The following CADPS variants were observed in gnomAD, a reference collection of about 807,000 sequenced individuals.
The protein encoded by CADPS is calcium-dependent secretion activator 1.
Under a neutral mutation model 167.3 loss-of-function variants are expected in CADPS, and 57 were observed. The ratio of observed to expected loss-of-function variants is 0.34; its 90% confidence interval spans 0.28 to 0.42. The LOEUF (loss-of-function observed/expected upper bound fraction) is 0.42. CADPS is among the 20% of genes least tolerant of loss of function. The pLI is 1.00. For missense variants in CADPS, 1,414 were observed against 1,738.1 expected, an observed-to-expected ratio of 0.81 and a Z score of 3.32; for synonymous variants, 676 against 635.3, an observed-to-expected ratio of 1.06 and a Z score of -0.96.
chr3:62,411,440 A>T lies in CADPS; in HGVS notation c.3778-8255T>A, dbSNP rs370852539. The stretch of plus-strand genomic sequence containing the variant: ...TTTTTGGTGACAAAAGTGAACTATT[A>T]TTTAAGGGAAAAAACCCCTACAACC... On this transcript the variant is annotated intron_variant, in intron 28 of 29. Transcript: ENST00000383710. 2.9e-3 allele frequency among the ~76,000 whole-genome samples: 436 copies of T among 152,302 alleles called. 9 individuals carry two copies. Among genetic ancestry groups the T allele is most frequent in the South Asian group, 0.012 (59 of 4,818 alleles).
At chr3:62,810,095 GT>G (rs2094322848) in intron 1 of CADPS, among the ~76,000 whole-genome samples, 1 of 152,084 alleles carries the variant, frequency 6.6e-6, no homozygotes, top group South Asian at 2.1e-4. Flanking sequence ...TGTGATGCTG[GT>G]CAAGCCACTA....
chr3:62,666,977 C>T (rs1019952816), intron 3 of CADPS, among the ~76,000 whole-genome samples: 11 of 149,026 alleles, frequency 7.4e-5, no homozygotes, highest in Admixed American at 2.0e-4. Context: ...TTTGAAAGGA[C>T]AAAATGACAA....
intron 1 of CADPS, among the ~76,000 whole-genome samples, chr3:62,780,331 T>C (rs974472030): frequency 1.3e-5 from 2 of 152,086 alleles, no homozygotes; most frequent in Non-Finnish European, 2.9e-5. Context: ...GATGGGAGAA[T>C]TGTTTGAGCC....
intron 6 of CADPS, among the ~76,000 whole-genome samples, chr3:62,610,379 T>A (rs995597304): frequency 6.6e-6 from 1 of 152,046 alleles, no homozygotes; most frequent in African/African-American, 2.4e-5. Flanking sequence ...GCCTTCCCAG[T>A]AGCTGGGATT....
At position 62,557,958 on chromosome 3, in the gene CADPS, T is replaced by G. The variant is rs76694383; in HGVS notation, c.1645-445A>C. On this transcript the variant is annotated intron_variant, in intron 9 of 29. Transcript: ENST00000383710. ...GTGGCCTTGGCTGAGACTGCCATGC[T>G]CGCAGATACAACATGGGCCTTTTGG... Among the ~76,000 whole-genome samples the G allele has an allele frequency of 2.1e-3, 323 of 152,382 alleles. 4 individuals are homozygous for G. The highest frequency in any genetic ancestry group is 7.3e-3 in the African/African-American group (304 of 41,600).
chr3:62,513,696 T>C, intron 16 of CADPS: 1 of 1,586,088 alleles, frequency 6.3e-7, no homozygotes, highest in Non-Finnish European at 8.6e-7. Context: ...CATACATTTC[T>C]CTCTTTTTCC....
rs187916249 is a variant in CADPS at position 62,516,556 on chromosome 3, T to G, written c.2457+24A>C. On this transcript the variant is annotated intron_variant, in intron 15 of 29. Coordinates refer to ENST00000383710, the MANE Select transcript of CADPS (RefSeq NM_003716.4). ...CTTATGTCTTTTTATATATATGTGA[T>G]CTATCTTTTACTTTCATTCTTACCC... The G allele has an allele frequency of 1.4e-4, 209 of 1,538,396 alleles. 2 individuals carry two copies. In the East Asian group the frequency reaches 3.6e-3, roughly 26 times the overall value.
chr3:62,736,523 T>C (rs2079021933), intron 3 of CADPS, among the ~76,000 whole-genome samples: 2 of 152,222 alleles, frequency 1.3e-5, no homozygotes, highest in Non-Finnish European at 2.9e-5. Flanking sequence ...TTATAATTTC[T>C]TGCATAAACA....
At chr3:62,698,757 TCAGACAGG>T (rs2080847384) in intron 3 of CADPS, among the ~76,000 whole-genome samples, 3 of 79,356 alleles carry the variant, frequency 3.8e-5, no homozygotes, top group African/African-American at 1.4e-4. Flanking sequence ...TTTTTTTTTT[TCAGACAGG>T]GTCTTGCTTT....
At chr3:62,817,180 G>GATAACAGAAT (rs2094660389) in intron 1 of CADPS, among the ~76,000 whole-genome samples, 1 of 151,708 alleles carries the variant, frequency 6.6e-6, no homozygotes. Flanking sequence ...TAAACATCAC[G>GATAACAGAAT]ATAACAGAAT....
At chr3:62,485,912 C>T (rs2062741761) in intron 21 of CADPS, among the ~76,000 whole-genome samples, 1 of 152,144 alleles carries the variant, frequency 6.6e-6, no homozygotes, top group Admixed American at 6.5e-5. Context: ...GAGGGAGGAT[C>T]TCAACTCAGG....
intron 1 of CADPS, among the ~76,000 whole-genome samples, chr3:62,834,110 T>C (rs1159037453): frequency 6.6e-6 from 1 of 152,170 alleles, no homozygotes; most frequent in East Asian, 1.9e-4. Context: ...GTAAAAGTCA[T>C]GTTTTCAACA....
chr3:62,716,194 G>A (rs2084567693), intron 3 of CADPS, among the ~76,000 whole-genome samples: 1 of 152,078 alleles, frequency 6.6e-6, no homozygotes, highest in South Asian at 2.1e-4. Context: ...CAAGTAGCTG[G>A]GACTACAGGC....
At chr3:62,437,227 G>A (rs550899951) in intron 28 of CADPS, among the ~76,000 whole-genome samples, 2 of 151,974 alleles carry the variant, frequency 1.3e-5, no homozygotes, top group Admixed American at 6.5e-5. Context: ...CACTCTGGCC[G>A]GGTCTACACT....
chr3:62,499,356 T>C lies in CADPS; in HGVS notation c.2600-88A>G, dbSNP rs1015304829. On this transcript the variant is annotated intron_variant, in intron 17 of 29. Transcript: ENST00000383710. ...GAACTAGTGGATAAGAAATTGAGAA[T>C]AGTTATCAGTTTTTTAAAAAAAATT... 27 of 791,552 alleles carry C rather than the reference T, an allele frequency of 3.4e-5. No homozygotes were observed. The African/African-American group carries it at 3.6e-4, about 11-fold the overall frequency. The allele number at this position is 791,552 out of a possible 1,614,324, so 49.0% of individuals were successfully genotyped here.
At chr3:62,498,266 T>C in intron 18 of CADPS, 1 of 435,924 alleles carries the variant, frequency 2.3e-6, no homozygotes, top group Non-Finnish European at 4.6e-6. Flanking sequence ...TATATATTAT[T>C]TAACTATACT....
intron 28 of CADPS, among the ~76,000 whole-genome samples, chr3:62,435,996 G>A (rs951685678): frequency 4.0e-5 from 6 of 151,810 alleles, no homozygotes; most frequent in African/African-American, 1.2e-4. Context: ...AAAGGCTGGA[G>A]GGCTTGAATT....
chr3:62,778,371 C>T (rs1009163118), intron 1 of CADPS, among the ~76,000 whole-genome samples: 21 of 152,110 alleles, frequency 1.4e-4, no homozygotes, highest in African/African-American at 3.1e-4. Context: ...TTAGTAACTC[C>T]GCTGATGCAT....
intron 6 of CADPS, among the ~76,000 whole-genome samples, chr3:62,622,886 T>G (rs1208032808): frequency 2.6e-5 from 4 of 152,216 alleles, no homozygotes; most frequent in African/African-American, 9.6e-5. Context: ...ACATTTCCAT[T>G]TGTTGCAGAA....
Sources: allele counts gnomAD v4.1 joint callset (sites outside exome capture counted in the v4.1 genomes callset), GRCh38; gene constraint gnomAD v4.1.1; transcripts MANE v1.5; gene names NCBI Gene and HGNC (gene_info 2026-07-23, HGNC 2026-07-21).